FNIP2: variants seen among roughly 807,000 people sequenced by gnomAD.
FNIP2 encodes the protein folliculin-interacting protein 2.
In FNIP2, 32 loss-of-function variants were observed where a neutral mutation model predicts 108.7. The ratio of observed to expected loss-of-function variants is 0.29; its 90% CI spans 0.22 to 0.40. FNIP2 has a LOEUF of 0.40. Among genes scored for constraint, FNIP2 ranks in the 10% least tolerant of loss-of-function variants. The pLI, the probability that FNIP2 is intolerant of heterozygous loss-of-function variation, is 1.00. For synonymous variants in FNIP2, 480 were observed against 496.7 expected, an observed-to-expected ratio of 0.97 and a Z score of 0.45; for missense variants, 1,202 against 1,381.6, an observed-to-expected ratio of 0.87 and a Z score of 2.06.
chr4:158,875,930 A>G (rs1296795875), intron 14 of FNIP2, among the ~76,000 whole-genome samples: 2 of 152,158 alleles, frequency 1.3e-5, no homozygotes, highest in Non-Finnish European at 2.9e-5. Flanking sequence ...ATATAGAACT[A>G]AAATCATCAC....
chr4:158,859,371 G>A, intron 9 of FNIP2, 113 bp downstream of exon 9: 1 of 1,222,958 alleles, frequency 8.2e-7, no homozygotes, highest in Non-Finnish European at 1.1e-6. Context: ...TAAATCACCT[G>A]TAGCAGTGAT....
At chr4:158,794,480 G>A (rs1776518043) in intron 1 of FNIP2, 1 of 152,154 alleles carries the variant, frequency 6.6e-6, no homozygotes, top group Non-Finnish European at 1.5e-5. Context: ...TATTTTTCTT[G>A]TATGTTTTTT....
At chr4:158,833,732 C>A (rs1778613106) in intron 6 of FNIP2, 104 bp downstream of exon 6, 3 of 1,419,460 alleles carry the variant, frequency 2.1e-6, no homozygotes, top group Middle Eastern at 1.8e-4. Context: ...TTTGCGTTAT[C>A]TTTAATCTGT....
At chr4:158,861,030 G>A (rs1349066193) in intron 10 of FNIP2, among the ~76,000 whole-genome samples, 1 of 152,170 alleles carries the variant, frequency 6.6e-6, no homozygotes, top group African/African-American at 2.4e-5. Context: ...TTCTAGTTCT[G>A]TACTTTCAGT....
intron 8 of FNIP2, among the ~76,000 whole-genome samples, chr4:158,853,296 A>G (rs775532548): frequency 5.9e-5 from 9 of 152,212 alleles, no homozygotes; most frequent in Non-Finnish European, 8.8e-5. Flanking sequence ...ATAATTTTTG[A>G]TAATTTTTTA....
chr4:158,837,878 C>T (rs1158227069), intron 7 of FNIP2, among the ~76,000 whole-genome samples: 1 of 152,292 alleles, frequency 6.6e-6, no homozygotes. Context: ...GTGGAGGGGG[C>T]TGCAAATGGC....
chr4:158,867,543 T>A (rs190719057), intron 12 of FNIP2, among the ~76,000 whole-genome samples: 229 of 152,368 alleles, frequency 1.5e-3, no homozygotes, highest in African/African-American at 4.2e-3. Flanking sequence ...CATTCATGAC[T>A]AAGTGATTTT....
At chr4:158,862,658 A>T (rs1780359984) in intron 12 of FNIP2, among the ~76,000 whole-genome samples, 1 of 152,254 alleles carries the variant, frequency 6.6e-6, no homozygotes, top group African/African-American at 2.4e-5. Flanking sequence ...TTCCCAACAC[A>T]AAGAAATGAT....
intron 1 of FNIP2, among the ~76,000 whole-genome samples, chr4:158,780,416 A>G (rs1450413084): frequency 1.3e-5 from 2 of 152,210 alleles, no homozygotes; most frequent in Non-Finnish European, 2.9e-5. Context: ...CCATTCTAAC[A>G]TTTAAAAAAT....
In FNIP2 at chr4:158,769,203, C is replaced by A; in HGVS notation, c.-10C>A. The A allele has an allele frequency of 1.4e-6, 2 of 1,388,414 alleles. No individual in the cohort carries two copies. Among genetic ancestry groups the A allele is most frequent in the South Asian group, 2.7e-5 (2 of 75,028 alleles). 86.0% of individuals were successfully genotyped at this position (1,388,414 alleles called of 1,614,324 possible). ...CCGAGCGCCACGGCCGGAGCTGCGG[C>A]GGCGGCATCATGGCCCCGACCCTGC... is the stretch of plus-strand genomic sequence containing the variant. On this transcript the variant is annotated 5_prime_UTR_variant, in exon 1 of 17. Transcript: ENST00000264433.
intron 15 of FNIP2, among the ~76,000 whole-genome samples, chr4:158,891,989 G>A (rs758501461): frequency 6.6e-6 from 1 of 152,164 alleles, no homozygotes; most frequent in South Asian, 2.1e-4. Context: ...ATTTTAATAA[G>A]TAGGCCAGTT....
rs1729759549 is a variant in FNIP2, at chr4:158,905,591, C to T, written c.*1047C>T. 1 of 151,660 alleles carries T rather than the reference C, an allele frequency of 6.6e-6. No homozygotes were observed. The highest frequency in any genetic ancestry group is 1.5e-5 in the Non-Finnish European group (1 of 67,950). The allele number at this position is 151,660 out of a possible 1,614,324, so 9.4% of individuals were successfully genotyped here. ...TATATGATCTAAATTTTTATATTAT[C>T]ATTTCTGTGCCTTCTAATTCCTGCA... On this transcript the variant is annotated 3_prime_UTR_variant, in exon 17 of 17. Coordinates refer to ENST00000264433, the MANE Select transcript of FNIP2 (RefSeq NM_020840.3).
intron 1 of FNIP2, among the ~76,000 whole-genome samples, chr4:158,776,570 T>C (rs962758845): frequency 1.3e-5 from 2 of 152,260 alleles, no homozygotes; most frequent in Non-Finnish European, 2.9e-5. Flanking sequence ...CAAGTTCTTT[T>C]ATAAAATATG....
Position 158,832,156 on chromosome 4 carries a change from C to A in FNIP2, c.554+18C>A, listed in dbSNP as rs1287915547. 7.5e-6 allele frequency: 12 copies of A among 1,590,538 alleles called. No individual in the cohort carries two copies. Among genetic ancestry groups the A allele is most frequent in the Non-Finnish European group, 8.6e-6 (10 of 1,160,088 alleles). On this transcript the variant is annotated intron_variant, in intron 5 of 16. Transcript: ENST00000264433. Reference sequence around the variant, plus strand: ...ACAAATAAGTAAGTGTAGGATTTTGCATTCCCCACCCCCATTTTTTAAAGT... The same window carrying A: ...ACAAATAAGTAAGTGTAGGATTTTGAATTCCCCACCCCCATTTTTTAAAGT...
chr4:158,883,242 T>TG (rs954567180), intron 14 of FNIP2, among the ~76,000 whole-genome samples: 12 of 133,806 alleles, frequency 9.0e-5, no homozygotes, highest in African/African-American at 2.8e-4. Flanking sequence ...GTGTGTTTTT[T>TG]GTTTTTTTTG....
At chr4:158,882,241 C>A in intron 14 of FNIP2, among the ~76,000 whole-genome samples, 1 of 152,008 alleles carries the variant, frequency 6.6e-6, no homozygotes, top group South Asian at 2.1e-4. Context: ...GCCGCCCCGT[C>A]TGAGAAGTGA....
intron 7 of FNIP2, chr4:158,835,745 G>T: frequency 3.6e-6 from 1 of 275,820 alleles, no homozygotes. Flanking sequence ...GCTTCCTTGA[G>T]CCCATTGTAC....
At chr4:158,806,349 GGC>G (rs1476135645) in intron 1 of FNIP2, 16 of 1,289,360 alleles carry the variant, frequency 1.2e-5, no homozygotes, top group Admixed American at 2.3e-5. Context: ...GGATTTACAG[GGC>G]GCTTTTATGC....
chr4:158,791,830 C>T (rs1484677211), intron 1 of FNIP2, among the ~76,000 whole-genome samples: 3 of 152,080 alleles, frequency 2.0e-5, no homozygotes, highest in Non-Finnish European at 4.4e-5. Context: ...ATCTCGAGTG[C>T]AAGCATGACA....
Sources: gnomAD v4.1 joint callset for allele counts (sites outside exome capture counted in the v4.1 genomes callset) on GRCh38, gnomAD v4.1.1 for gene constraint, MANE v1.5 for transcripts, NCBI Gene and HGNC (gene_info 2026-07-23, HGNC 2026-07-21) for gene names.